Variants in ZNF714 observed in about 807,000 individuals in gnomAD.
ZNF714 encodes the protein zinc finger protein 714.
In ZNF714, 32 loss-of-function variants were observed where a neutral mutation model predicts 46.2. The observed-to-expected ratio is 0.69, with a 90% CI of 0.52 to 0.93. ZNF714 has a LOEUF of 0.93. ZNF714 is among the 40% of genes least tolerant of loss of function. ZNF714 has a pLI of 0.00. For missense variants in ZNF714, 635 were observed against 646.3 expected, an observed-to-expected ratio of 0.98 and a Z score of 0.19; for synonymous variants, 199 against 213.1, an observed-to-expected ratio of 0.93 and a Z score of 0.58.
At chr19:21,113,874 G>T (rs917678368) in intron 4 of ZNF714, among the ~76,000 whole-genome samples, 1 of 152,146 alleles carries the variant, frequency 6.6e-6, no homozygotes, top group East Asian at 1.9e-4. Context: ...GTTGTTTGTG[G>T]CTGGAGAGTT....
At chr19:21,104,067 T>C (rs1343675719) in intron 4 of ZNF714, among the ~76,000 whole-genome samples, 1 of 150,384 alleles carries the variant, frequency 6.6e-6, no homozygotes, top group Non-Finnish European at 1.5e-5. Flanking sequence ...TTTTTATGAG[T>C]GTGACTGCTT....
chr19:21,103,093 G>A (rs1339713294), intron 4 of ZNF714, among the ~76,000 whole-genome samples: 1 of 151,776 alleles, frequency 6.6e-6, no homozygotes, highest in East Asian at 1.9e-4. Flanking sequence ...TAAGCGAGTA[G>A]TCATGGAAAT....
intron 2 of ZNF714, among the ~76,000 whole-genome samples, chr19:21,089,729 A>G (rs1226213636): frequency 6.6e-6 from 1 of 152,150 alleles, no homozygotes; most frequent in Non-Finnish European, 1.5e-5. Context: ...ACCATACAGA[A>G]AGACAAATTT....
rs1969711985 is a variant in ZNF714 at position 21,122,047 on chromosome 19, G to A, written c.*3715G>A. The A allele has an allele frequency of 6.6e-6, 1 of 152,038 alleles. No individual in the cohort carries two copies. Among genetic ancestry groups the A allele is most frequent in the South Asian group, 2.1e-4 (1 of 4,822 alleles). The allele number at this position is 152,038 out of a possible 1,614,324, so 9.4% of individuals were successfully genotyped here. A position where few individuals can be genotyped will look rare whatever the true frequency, so the allele number is the denominator to read the frequency against. On this transcript the variant is annotated 3_prime_UTR_variant, in exon 5 of 5. Coordinates refer to ENST00000456283, the MANE Select transcript of ZNF714 (RefSeq NM_182515.4). ...CTTTTAAGGGGAGAACAATATATAA[G>A]TTTTCTTTTCTTTAGTGATTGTTCC...
chr19:21,096,301 C>CAGT (rs386388718), intron 2 of ZNF714, among the ~76,000 whole-genome samples: 3 of 151,776 alleles, frequency 2.0e-5, no homozygotes, highest in Non-Finnish European at 4.4e-5. Flanking sequence ...AGTAGGTAAG[C>CAGT]AGGTGGTGCT....
chr19:21,103,087 C>A (rs1018366639), intron 4 of ZNF714, among the ~76,000 whole-genome samples: 4 of 151,656 alleles, frequency 2.6e-5, no homozygotes, highest in Admixed American at 2.6e-4. Context: ...CTTGTCTAAG[C>A]GAGTAGTCAT....
At chr19:21,088,717 CACAG>C (rs1212809028) in intron 2 of ZNF714, among the ~76,000 whole-genome samples, 2 of 152,208 alleles carry the variant, frequency 1.3e-5, no homozygotes, top group African/African-American at 4.8e-5. Context: ...ATATCACACA[CACAG>C]ACAGAAGATT....
In ZNF714 at chr19:21,112,919, T is replaced by C. The variant is rs1969492604; in HGVS notation, c.143-3888T>C. Among the ~76,000 whole-genome samples the C allele has an allele frequency of 2.1e-5, 3 of 144,948 alleles. No individual in the cohort carries two copies. The South Asian group carries it at 6.9e-4, about 33-fold the overall frequency. ...CTCACTGCAATCTCTGCCTCCCAGA[T>C]TCAAGTGATTCTCCTGCCTCAGCCT... On this transcript the variant is annotated intron_variant, in intron 4 of 4. Coordinates refer to ENST00000456283, the MANE Select transcript of ZNF714 (RefSeq NM_182515.4).
At chr19:21,115,285 GT>G (rs1169286265) in intron 4 of ZNF714, among the ~76,000 whole-genome samples, 9 of 151,576 alleles carry the variant, frequency 5.9e-5, no homozygotes, top group East Asian at 1.9e-4. Context: ...AATTAAAAAT[GT>G]TTTTTGTGCC....
chr19:21,092,502 C>A (rs1469990487), intron 2 of ZNF714, among the ~76,000 whole-genome samples: 1 of 152,198 alleles, frequency 6.6e-6, no homozygotes, highest in African/African-American at 2.4e-5. Flanking sequence ...AATCAGAGTC[C>A]AGCCCCACCT....
chr19:21,106,602 T>C (rs2144858844), intron 4 of ZNF714, among the ~76,000 whole-genome samples: 1 of 151,662 alleles, frequency 6.6e-6, no homozygotes, highest in African/African-American at 2.4e-5. Flanking sequence ...TTTTTGTATA[T>C]GGTTCAAGGA....
intron 4 of ZNF714, among the ~76,000 whole-genome samples, chr19:21,105,026 C>CT (rs34750232): frequency 0.79 from 102,107 of 129,690 alleles, 42,324 homozygotes; most frequent in Middle Eastern, 0.94. Context: ...TCATTTCTTT[C>CT]TTTTTTTTTT....
At chr19:21,094,289 C>G (rs1406146007) in intron 2 of ZNF714, among the ~76,000 whole-genome samples, 1 of 152,190 alleles carries the variant, frequency 6.6e-6, no homozygotes, top group Non-Finnish European at 1.5e-5. Flanking sequence ...CTGAGCCCAG[C>G]CCATGTCTTT....
intron 2 of ZNF714, among the ~76,000 whole-genome samples, chr19:21,087,412 AC>A (rs1242997057): frequency 6.6e-6 from 1 of 152,140 alleles, no homozygotes; most frequent in Non-Finnish European, 1.5e-5. Context: ...AAATAGTCAA[AC>A]ATGATTTCAC....
chr19:21,112,659 T>G (rs899280356), intron 4 of ZNF714, among the ~76,000 whole-genome samples: 2 of 151,622 alleles, frequency 1.3e-5, no homozygotes. Flanking sequence ...TTCTTTTAGT[T>G]GTGATGTTAG....
At chr19:21,089,627 A>G (rs1313920101) in intron 2 of ZNF714, among the ~76,000 whole-genome samples, 3 of 152,348 alleles carry the variant, frequency 2.0e-5, no homozygotes, top group East Asian at 3.9e-4. Context: ...GTCCAAGGAC[A>G]TGACTGAGCA....
At chr19:21,115,811 ATTTTC>A (rs1599554483) in intron 4 of ZNF714, among the ~76,000 whole-genome samples, 2 of 148,862 alleles carry the variant, frequency 1.3e-5, no homozygotes, top group African/African-American at 4.9e-5. Flanking sequence ...TTTGAGTTAT[ATTTTC>A]TTTTGATATT....
At chr19:21,104,537 T>G (rs1568278313) in intron 4 of ZNF714, among the ~76,000 whole-genome samples, 2 of 64,186 alleles carry the variant, frequency 3.1e-5, no homozygotes, top group African/African-American at 6.6e-5. Flanking sequence ...AGATTTGGTG[T>G]TTTAAAAAAA....
intron 4 of ZNF714, among the ~76,000 whole-genome samples, chr19:21,105,267 C>T (rs973276130): frequency 1.3e-5 from 2 of 151,330 alleles, no homozygotes; most frequent in African/African-American, 2.4e-5. Flanking sequence ...GTGATTCACC[C>T]GCCTCGGCCT....
Sources: gnomAD v4.1 joint callset for allele counts (sites outside exome capture counted in the v4.1 genomes callset) on GRCh38, gnomAD v4.1.1 for gene constraint, MANE v1.5 for transcripts, NCBI Gene and HGNC (gene_info 2026-07-23, HGNC 2026-07-21) for gene names.